MAML3: variants seen among roughly 807,000 people sequenced by gnomAD.
MAML3 encodes mastermind-like protein 3.
MAML3 carries 27 observed loss-of-function variants against 101.9 expected under a neutral mutation model. That is an observed-to-expected ratio of 0.27 (90% CI 0.20 to 0.37). The LOEUF is 0.37. Among genes scored for constraint, MAML3 ranks in the 10% least tolerant of loss-of-function variants. The pLI, the probability that MAML3 is intolerant of heterozygous loss-of-function variation, is 1.00. For synonymous variants in MAML3, 501 were observed against 555.9 expected, an observed-to-expected ratio of 0.90 and a Z score of 1.39; for missense variants, 1,316 against 1,444.9, an observed-to-expected ratio of 0.91 and a Z score of 1.45.
chr4:139,942,156 C>CGGAG (rs986375160), intron 1 of MAML3, among the ~76,000 whole-genome samples: 6 of 145,792 alleles, frequency 4.1e-5, no homozygotes, highest in East Asian at 2.0e-4. Flanking sequence ...GAAGGAAGGA[C>CGGAG]GGAGGGAGGG....
At chr4:139,774,873 T>C (rs1314506906) in intron 2 of MAML3, among the ~76,000 whole-genome samples, 1 of 152,198 alleles carries the variant, frequency 6.6e-6, no homozygotes, top group Non-Finnish European at 1.5e-5. Context: ...TAACTTACTT[T>C]GGAGGAAAGA....
At chr4:140,051,776 G>A (rs1280344304) in intron 1 of MAML3, among the ~76,000 whole-genome samples, 2 of 151,990 alleles carry the variant, frequency 1.3e-5, no homozygotes, top group African/African-American at 2.4e-5. Flanking sequence ...ATGTTACATT[G>A]TGCTATTCTC....
chr4:140,041,578 G>A (rs1191273468), intron 1 of MAML3, among the ~76,000 whole-genome samples: 1 of 152,068 alleles, frequency 6.6e-6, no homozygotes, highest in Non-Finnish European at 1.5e-5. Context: ...CCGAGATCAC[G>A]CCACTGCACT....
chr4:139,932,535 G>A (rs1733421437), intron 1 of MAML3, among the ~76,000 whole-genome samples: 1 of 152,138 alleles, frequency 6.6e-6, no homozygotes, highest in Admixed American at 6.5e-5. Flanking sequence ...AGGGGAGCAG[G>A]AAAACAGCTT....
intron 1 of MAML3, among the ~76,000 whole-genome samples, chr4:140,151,308 C>A (rs1379541888): frequency 6.6e-6 from 1 of 151,754 alleles, no homozygotes; most frequent in Non-Finnish European, 1.5e-5. Context: ...AGGGGTTGAG[C>A]GCCCCCGGAG....
At chr4:139,769,916 CTTTTT>C (rs139445743) in intron 2 of MAML3, among the ~76,000 whole-genome samples, 2 of 132,286 alleles carry the variant, frequency 1.5e-5, no homozygotes, top group Non-Finnish European at 3.2e-5. Flanking sequence ...CGCCCAGCCT[CTTTTT>C]TTTTTTTTTT....
intron 2 of MAML3, among the ~76,000 whole-genome samples, chr4:139,787,475 C>A (rs1328926434): frequency 6.6e-6 from 1 of 152,148 alleles, no homozygotes; most frequent in Non-Finnish European, 1.5e-5. Context: ...ATGCCATTTT[C>A]CAAGTCAGCA....
At position 139,800,801 on chromosome 4, in the gene MAML3, T is replaced by C. The variant is rs143882015; in HGVS notation, c.2080-70134A>G. Among the ~76,000 whole-genome samples the C allele has an allele frequency of 2.0e-3, 303 of 152,368 alleles. 2 individuals are homozygous for C. Among genetic ancestry groups the C allele is most frequent in the African/African-American group, 7.0e-3 (293 of 41,588 alleles). Reference sequence around the variant, plus strand: ...TGAATAATAATTTTAGATGATGAGTTGTAAACAACACTGATTTCATTTATT... The same window carrying C: ...TGAATAATAATTTTAGATGATGAGTCGTAAACAACACTGATTTCATTTATT... On this transcript the variant is annotated intron_variant, in intron 2 of 4. Transcript: ENST00000509479.
chr4:139,891,144 GT>G (rs1732488128), intron 1 of MAML3, among the ~76,000 whole-genome samples, 177 bp from the exon 2 acceptor site: 2 of 152,268 alleles, frequency 1.3e-5, no homozygotes, highest in South Asian at 4.1e-4. Flanking sequence ...ATGGGAAAAG[GT>G]TTTATCTAAA....
At chr4:139,908,326 T>A (rs78942169) in intron 1 of MAML3, among the ~76,000 whole-genome samples, 2,345 of 152,358 alleles carry the variant, frequency 0.015, 71 homozygotes, top group African/African-American at 0.053. Context: ...TATTTCTGTA[T>A]ACTGTGTAGT....
At chr4:139,943,159 T>C (rs80116968) in intron 1 of MAML3, among the ~76,000 whole-genome samples, 6,604 of 152,270 alleles carry the variant, frequency 0.043, 505 homozygotes, top group African/African-American at 0.15. Context: ...TTGTTTTGAA[T>C]AGCGCCTCCC....
intron 2 of MAML3, among the ~76,000 whole-genome samples, chr4:139,885,378 T>C (rs1732307265): frequency 2.0e-5 from 3 of 151,898 alleles, no homozygotes; most frequent in African/African-American, 7.2e-5. Flanking sequence ...TACACTCCAG[T>C]CTGGGCAACA....
At chr4:140,148,692 T>C (rs988635733) in intron 1 of MAML3, among the ~76,000 whole-genome samples, 1 of 152,172 alleles carries the variant, frequency 6.6e-6, no homozygotes, top group African/African-American at 2.4e-5. Flanking sequence ...CAGATTAACG[T>C]ATAAGGACAT....
chr4:140,129,888 C>T (rs192081962), intron 1 of MAML3, among the ~76,000 whole-genome samples: 65 of 151,870 alleles, frequency 4.3e-4, no homozygotes, highest in African/African-American at 1.5e-3. Flanking sequence ...TCACTTGAAC[C>T]CAGGAGGCAG....
At chr4:139,957,791 G>A (rs1225671956) in intron 1 of MAML3, among the ~76,000 whole-genome samples, 1 of 152,100 alleles carries the variant, frequency 6.6e-6, no homozygotes, top group Non-Finnish European at 1.5e-5. Flanking sequence ...ATTATTAGTT[G>A]TTTTGTTGTT....
chr4:139,809,270 A>G (rs1185382249), intron 2 of MAML3, among the ~76,000 whole-genome samples: 1 of 152,236 alleles, frequency 6.6e-6, no homozygotes, highest in Non-Finnish European at 1.5e-5. Flanking sequence ...AAGGGCCACA[A>G]GAGAAGGGAA....
intron 1 of MAML3, among the ~76,000 whole-genome samples, chr4:140,005,915 A>G (rs137924057): frequency 0.011 from 1,678 of 152,308 alleles, 39 homozygotes; most frequent in African/African-American, 0.038. Flanking sequence ...CTCACCCAAT[A>G]GTGTTAAAGA....
At position 139,896,607 on chromosome 4, in the gene MAML3, G is replaced by GGTGTGTGTGTGTGTGTGTGTGTGTGTGT. The variant is rs113274639; in HGVS notation, c.469-5641_469-5640insACACACACACACACACACACACACACAC. Among the ~76,000 whole-genome samples the GGTGTGTGTGTGTGTGTGTGTGTGTGTGT allele has an allele frequency of 3.4e-4, 49 of 144,764 alleles. 1 individual carries two copies. Among genetic ancestry groups the GGTGTGTGTGTGTGTGTGTGTGTGTGTGT allele is most frequent in the African/African-American group, 1.0e-3 (39 of 38,340 alleles). The allele number at this position is 144,764 out of a possible 152,430, so 95.0% of individuals were successfully genotyped here. On this transcript the variant is annotated intron_variant, in intron 1 of 4. Coordinates refer to ENST00000509479, the MANE Select transcript of MAML3 (RefSeq NM_018717.5). ...CTTGATGGCTTGTTTCTGTGAAACTGGTGTGTGTGTGTGTGTGTGTGTGTG... is the reference window on the plus strand; with the variant it reads ...CTTGATGGCTTGTTTCTGTGAAACTGGTGTGTGTGTGTGTGTGTGTGTGTGTGTGTGTGTGTGTGTGTGTGTGTGTGTG...
intron 2 of MAML3, among the ~76,000 whole-genome samples, chr4:139,801,517 T>A (rs1350138347): frequency 6.6e-6 from 1 of 152,140 alleles, no homozygotes; most frequent in Non-Finnish European, 1.5e-5. Context: ...CAGTGGACTT[T>A]TTCCGTCAAA....
Sources: gnomAD v4.1 joint callset for allele counts (sites outside exome capture counted in the v4.1 genomes callset) on GRCh38, gnomAD v4.1.1 for gene constraint, MANE v1.5 for transcripts, NCBI Gene and HGNC (gene_info 2026-07-23, HGNC 2026-07-21) for gene names.